The following TBK1 variants were observed in gnomAD, a reference collection of about 807,000 sequenced individuals.
TBK1 encodes TANK binding kinase 1.
A neutral mutation model predicts 99.9 loss-of-function variants in TBK1; 37 were observed. The ratio of observed to expected loss-of-function variants is 0.37; its 90% CI spans 0.28 to 0.49. The LOEUF is 0.49. TBK1 is among the 20% of genes least tolerant of loss of function. The pLI, the probability that TBK1 is intolerant of heterozygous loss-of-function variation, is 0.98. For missense variants in TBK1, 644 were observed against 872.5 expected (o/e 0.74, Z 3.30); for synonymous variants, 258 against 279.8 (o/e 0.92, Z 0.78).
intron 4 of TBK1, among the ~76,000 whole-genome samples, chr12:64,466,048 T>A (rs2136062764): frequency 6.6e-6 from 1 of 152,322 alleles, no homozygotes; most frequent in East Asian, 1.9e-4. Context: ...TGGGAATTCT[T>A]GAACTTGTCA....
intron 18 of TBK1, 80 bp downstream of exon 18, chr12:64,497,339 G>A: frequency 9.4e-7 from 1 of 1,066,900 alleles, no homozygotes; most frequent in Non-Finnish European, 1.3e-6. Flanking sequence ...AAATGGGATA[G>A]AATGTGCCTA....
At chr12:64,455,195 A>G (rs549425777) in intron 1 of TBK1, among the ~76,000 whole-genome samples, 34 of 150,602 alleles carry the variant, frequency 2.3e-4, no homozygotes, top group Non-Finnish European at 4.3e-4. Context: ...CGTGTTAGCC[A>G]AGGTGGTCTC....
chr12:64,472,052 A>C (rs1369155523), intron 5 of TBK1, among the ~76,000 whole-genome samples: 1 of 151,842 alleles, frequency 6.6e-6, no homozygotes, highest in African/African-American at 2.4e-5. Context: ...TGCTAGGTCA[A>C]AGGTTTGGCA....
chr12:64,481,730 T>G, intron 7 of TBK1, 112 bp from the exon 8 acceptor site: 1 of 737,436 alleles, frequency 1.4e-6, no homozygotes, highest in Non-Finnish European at 1.9e-6. Context: ...TAAATTAATC[T>G]AATATAGTAA....
chr12:64,485,306 T>C (rs775662823), intron 9 of TBK1, 149 bp from the exon 10 acceptor site: 2 of 460,180 alleles, frequency 4.3e-6, no homozygotes, highest in Non-Finnish European at 7.7e-6. Context: ...ATGAGCATTA[T>C]TGTTTGAAGT....
At chr12:64,467,225 A>T (rs1360844227) in intron 5 of TBK1, 143 bp downstream of exon 5, 2 of 602,748 alleles carry the variant, frequency 3.3e-6, no homozygotes, top group Non-Finnish European at 5.2e-6. Flanking sequence ...TATGTGCAAC[A>T]TGGGAATTAG....
chr12:64,463,137 C>A (rs950312944), intron 3 of TBK1, among the ~76,000 whole-genome samples: 1 of 149,724 alleles, frequency 6.7e-6, no homozygotes, highest in East Asian at 2.0e-4. Context: ...TTTGGGAGGC[C>A]GAGGTGGGCG....
intron 4 of TBK1, among the ~76,000 whole-genome samples, chr12:64,464,711 C>G (rs965471211): frequency 2.0e-5 from 3 of 151,960 alleles, no homozygotes; most frequent in Non-Finnish European, 4.4e-5. Flanking sequence ...AAATCATACA[C>G]CTGACAAGGG....
chr12:64,485,675 T>C, intron 10 of TBK1, 162 bp downstream of exon 10: 1 of 468,470 alleles, frequency 2.1e-6, no homozygotes, highest in East Asian at 3.4e-5. Flanking sequence ...GTCTTTCTTT[T>C]TTACTTTTTA....
At chr12:64,484,694 G>A (rs984012228) in intron 9 of TBK1, among the ~76,000 whole-genome samples, 195 bp downstream of exon 9, 3 of 152,162 alleles carry the variant, frequency 2.0e-5, no homozygotes, top group African/African-American at 7.2e-5. Context: ...AGAGGTTGCA[G>A]TAAGCCGAGA....
At chr12:64,490,167 T>C (rs2136082672) in intron 13 of TBK1, 48 bp downstream of exon 13, 1 of 1,347,492 alleles carries the variant, frequency 7.4e-7, no homozygotes, top group Non-Finnish European at 1.0e-6. Flanking sequence ...AACCTATTCC[T>C]TTGCTGGCAC....
chr12:64,481,729 C>CT (rs1233349785), intron 7 of TBK1, 113 bp from the exon 8 acceptor site: 13 of 732,400 alleles, frequency 1.8e-5, no homozygotes, highest in Non-Finnish European at 1.9e-5. Context: ...TTAAATTAAT[C>CT]TAATATAGTA....
At chr12:64,497,379 T>C in intron 18 of TBK1, 120 bp downstream of exon 18, 2 of 749,244 alleles carry the variant, frequency 2.7e-6, no homozygotes, top group Non-Finnish European at 4.1e-6. Context: ...ATTTTTAATA[T>C]GTATTTTGAG....
chr12:64,467,300 TA>T (rs1241402342), intron 5 of TBK1, among the ~76,000 whole-genome samples: 1 of 152,236 alleles, frequency 6.6e-6, no homozygotes, highest in Non-Finnish European at 1.5e-5. Context: ...GTAGCACCCT[TA>T]AATTCTTTAG....
chr12:64,481,554 A>G (rs1452815496), intron 7 of TBK1, among the ~76,000 whole-genome samples: 3 of 152,126 alleles, frequency 2.0e-5, no homozygotes, highest in Non-Finnish European at 2.9e-5. Flanking sequence ...AGAGTTTGAG[A>G]CTGCAATGCA....
In TBK1 at chr12:64,485,656, G is replaced by T. The variant is rs41292023; in HGVS notation, c.1248+143G>T. ...ACTTAAATTGATACCCTTTCCAAGT[G>T]ATTTTGTGGTCTTTCTTTTTTACTT... is the stretch of plus-strand genomic sequence containing the variant. On this transcript the variant is annotated intron_variant, in intron 10 of 20. Transcript: ENST00000331710. 0.12 allele frequency: 59,465 copies of T among 477,416 alleles called. 4,448 individuals are homozygous for T. Among genetic ancestry groups the T allele is most frequent in the Middle Eastern group, 0.23 (413 of 1,802 alleles). The allele number at this position is 477,416 out of a possible 1,614,324, so 29.6% of individuals were successfully genotyped here.
intron 2 of TBK1, among the ~76,000 whole-genome samples, chr12:64,457,580 C>T (rs139067349): frequency 2.6e-5 from 4 of 152,212 alleles, no homozygotes; most frequent in Admixed American, 2.6e-4. Flanking sequence ...CTATACTGCA[C>T]ATTAACTGGA....
rs941367673 is a variant in TBK1, at chr12:64,501,702, C to T, written c.*321C>T. ...GGCTAAATAAGTTATTTTCTCTGAC[C>T]GCCTACTGGAAATATTTTTAAGTGG... On this transcript the variant is annotated 3_prime_UTR_variant, in exon 21 of 21. Coordinates refer to ENST00000331710, the MANE Select transcript of TBK1 (RefSeq NM_013254.4). 4 of 212,120 alleles carry T rather than the reference C, an allele frequency of 1.9e-5. No individual in the cohort carries two copies. The highest frequency in any genetic ancestry group is 1.1e-4 in the Admixed American group (2 of 17,610). The allele number at this position is 212,120 out of a possible 1,614,324, so 13.1% of individuals were successfully genotyped here.
intron 6 of TBK1, among the ~76,000 whole-genome samples, chr12:64,476,177 AGAT>A (rs2040711203): frequency 1.6e-5 from 1 of 64,172 alleles, no homozygotes; most frequent in African/African-American, 6.5e-5. Context: ...TTTTTTTTTG[AGAT>A]GGAGTCTCGC....
Sources: allele counts gnomAD v4.1 joint callset (sites outside exome capture counted in the v4.1 genomes callset), GRCh38; gene constraint gnomAD v4.1.1; transcripts MANE v1.5; gene names NCBI Gene and HGNC (gene_info 2026-07-23, HGNC 2026-07-21).